Variants in UNC13C observed in about 807,000 individuals in gnomAD.
The protein encoded by UNC13C is protein unc-13 homolog C.
In UNC13C, 174 loss-of-function variants were observed where a neutral mutation model predicts 245.4. The observed-to-expected ratio is 0.71, with a 90% CI of 0.63 to 0.80. The LOEUF (loss-of-function observed/expected upper bound fraction) is 0.80, where lower values mean the gene tolerates loss of function less well. UNC13C is among the 30% of genes least tolerant of loss of function. UNC13C has a pLI of 0.00. For missense variants in UNC13C, 2,829 were observed against 2,602.9 expected (o/e 1.09, Z -1.89); for synonymous variants, 992 against 895.1 (o/e 1.11, Z -1.93).
At chr15:54,306,018 G>C (rs747991390) in intron 13 of UNC13C, among the ~76,000 whole-genome samples, 1 of 152,058 alleles carries the variant, frequency 6.6e-6, no homozygotes, top group East Asian at 1.9e-4. Flanking sequence ...ATAAGGGGAA[G>C]TATGTTTTAA....
intron 4 of UNC13C, among the ~76,000 whole-genome samples, chr15:54,144,267 G>T (rs1277599598): frequency 6.6e-6 from 1 of 151,660 alleles, no homozygotes; most frequent in East Asian, 1.9e-4. Flanking sequence ...ATGTTCATAG[G>T]CATTTTTCTA....
At chr15:54,073,825 G>T (rs1334440880) in intron 2 of UNC13C, among the ~76,000 whole-genome samples, 2 of 152,158 alleles carry the variant, frequency 1.3e-5, no homozygotes, top group Non-Finnish European at 2.9e-5. Flanking sequence ...CCATTCTGTA[G>T]GTTGCCTGTT....
intron 18 of UNC13C, among the ~76,000 whole-genome samples, chr15:54,399,377 G>A (rs996371539): frequency 6.6e-6 from 1 of 151,638 alleles, no homozygotes; most frequent in African/African-American, 2.4e-5. Context: ...GTGCCTAAAA[G>A]TAAGAAATCT....
At chr15:54,007,595 C>T (rs1434357152) in intron 1 of UNC13C, among the ~76,000 whole-genome samples, 3 of 152,114 alleles carry the variant, frequency 2.0e-5, no homozygotes, top group Admixed American at 6.5e-5. Context: ...GAACAGCACA[C>T]ACTGGAACCT....
At chr15:54,552,300 T>C (rs1433827018) in intron 28 of UNC13C, among the ~76,000 whole-genome samples, 1 of 130,180 alleles carries the variant, frequency 7.7e-6, no homozygotes, top group Non-Finnish European at 1.6e-5. Context: ...TATAATTATA[T>C]TGTACAATAT....
chr15:53,865,368 G>C, the UNC13C span, among the ~76,000 whole-genome samples: 8 of 152,176 alleles, frequency 5.3e-5, no homozygotes. Flanking sequence ...AGATCAAGGT[G>C]TCAGCAGGTT....
chr15:54,504,929 C>T (rs1596486421), intron 22 of UNC13C, among the ~76,000 whole-genome samples: 1 of 152,138 alleles, frequency 6.6e-6, no homozygotes, highest in Non-Finnish European at 1.5e-5. Context: ...CTCAATGCTC[C>T]ACCAGTACCT....
At chr15:54,584,103 C>T (rs1376398364) in intron 30 of UNC13C, among the ~76,000 whole-genome samples, 1 of 152,166 alleles carries the variant, frequency 6.6e-6, no homozygotes, top group African/African-American at 2.4e-5. Flanking sequence ...CTGACTGACA[C>T]CCTAGAACCT....
At chr15:54,583,994 C>T (rs1253922921) in intron 30 of UNC13C, among the ~76,000 whole-genome samples, 1 of 152,178 alleles carries the variant, frequency 6.6e-6, no homozygotes, top group Non-Finnish European at 1.5e-5. Context: ...TCCAGACTTC[C>T]CCTCGGGCTC....
intron 2 of UNC13C, among the ~76,000 whole-genome samples, chr15:54,048,322 C>T (rs1349054985): frequency 1.3e-5 from 2 of 152,122 alleles, no homozygotes; most frequent in Admixed American, 1.3e-4. Flanking sequence ...TTTATGTTTC[C>T]TCTTTACCAA....
intron 22 of UNC13C, among the ~76,000 whole-genome samples, chr15:54,504,609 C>G (rs1894382758): frequency 6.6e-6 from 1 of 152,162 alleles, no homozygotes. Flanking sequence ...TTTATGGTGA[C>G]AGAAATGGGA....
chr15:54,252,307 T>A (rs2036172384), intron 8 of UNC13C, among the ~76,000 whole-genome samples: 1 of 152,188 alleles, frequency 6.6e-6, no homozygotes, highest in Non-Finnish European at 1.5e-5. Flanking sequence ...ATGTTCATAA[T>A]CTATTTCCAT....
intron 17 of UNC13C, among the ~76,000 whole-genome samples, chr15:54,388,861 T>C (rs1158845559): frequency 6.6e-6 from 1 of 152,212 alleles, no homozygotes; most frequent in Non-Finnish European, 1.5e-5. Flanking sequence ...ATGTTCAGAA[T>C]GCTTTTGAAA....
intron 2 of UNC13C, among the ~76,000 whole-genome samples, chr15:54,121,846 G>C (rs1487110465): frequency 6.6e-6 from 1 of 151,718 alleles, no homozygotes; most frequent in East Asian, 1.9e-4. Flanking sequence ...TCTCTGTAAA[G>C]GTATTGCACT....
the UNC13C span, among the ~76,000 whole-genome samples, chr15:53,888,599 G>A: frequency 6.6e-6 from 1 of 152,082 alleles, no homozygotes; most frequent in African/African-American, 2.4e-5. Context: ...ATTGCTTTTG[G>A]TGTTTTAGAC....
rs146812288 is a variant in UNC13C at position 54,051,762 on chromosome 15, C to CTT, written c.2983+35886_2983+35887dup. Among the ~76,000 whole-genome samples, 544 of 145,418 alleles carry CTT rather than the reference C, an allele frequency of 3.7e-3. 7 individuals are homozygous for CTT. The highest frequency in any genetic ancestry group is 0.013 in the African/African-American group (520 of 39,858). On this transcript the variant is annotated intron_variant, in intron 2 of 32. Transcript: ENST00000260323. ...AAGGACTATACTCCATTCTTTCTTT[C>CTT]TTTTTTTTTTTATTATACTTTAAGT...
rs559783100 is a variant in UNC13C, at chr15:54,167,466, C to T, written c.3071+23782C>T. Among the ~76,000 whole-genome samples the T allele has an allele frequency of 2.6e-3, 356 of 138,714 alleles. 3 individuals are homozygous for T. Among genetic ancestry groups the T allele is most frequent in the African/African-American group, 9.2e-3 (346 of 37,590 alleles). 91.0% of individuals were successfully genotyped at this position (138,714 alleles called of 152,430 possible). On this transcript the variant is annotated intron_variant, in intron 4 of 32. Coordinates refer to ENST00000260323, the MANE Select transcript of UNC13C (RefSeq NM_001080534.3). ...GCAGTGAGCCGAGATCGCGCCACTG[C>T]ACTCCAGCCTGGGTGACAGAGCGAC...
chr15:54,521,742 G>C (rs1041373299), intron 24 of UNC13C, among the ~76,000 whole-genome samples: 2 of 152,146 alleles, frequency 1.3e-5, no homozygotes, highest in Admixed American at 6.5e-5. Context: ...TGGAATATAT[G>C]GTTTCTAAGG....
chr15:54,075,572 A>T (rs1898568437), intron 2 of UNC13C, among the ~76,000 whole-genome samples: 1 of 150,112 alleles, frequency 6.7e-6, no homozygotes, highest in Non-Finnish European at 1.5e-5. Flanking sequence ...AAAAAAAAAA[A>T]AAAAAAGGAG....
Sources: gnomAD v4.1 joint callset for allele counts (sites outside exome capture counted in the v4.1 genomes callset) on GRCh38, gnomAD v4.1.1 for gene constraint, MANE v1.5 for transcripts, NCBI Gene and HGNC (gene_info 2026-07-23, HGNC 2026-07-21) for gene names.